SCHIP1: variants seen among roughly 807,000 people sequenced by gnomAD.
SCHIP1 encodes schwannomin-interacting protein 1.
In SCHIP1, 8 loss-of-function variants were observed where a neutral mutation model predicts 29.7. The ratio of observed to expected loss-of-function variants is 0.27; its 90% CI spans 0.16 to 0.49. The LOEUF (loss-of-function observed/expected upper bound fraction) is 0.49. Ranked by LOEUF, SCHIP1 falls within the 20% of genes least tolerant of loss-of-function variation. The probability of loss-of-function intolerance (pLI) is 0.99; values close to 1 mark genes in which losing one functional copy is unlikely to be tolerated. For synonymous variants in SCHIP1, 76 were observed against 94.9 expected (o/e 0.80, Z 1.16); for missense variants, 193 against 294.6 (o/e 0.66, Z 2.52).
chr3:159,491,955 T>C, the SCHIP1 span, among the ~76,000 whole-genome samples: 1 of 152,304 alleles, frequency 6.6e-6, no homozygotes, highest in Admixed American at 6.5e-5. Flanking sequence ...TATTCGCTGT[T>C]CTGCAGTCAC....
the SCHIP1 span, among the ~76,000 whole-genome samples, chr3:159,406,309 G>C: frequency 6.6e-6 from 1 of 152,166 alleles, no homozygotes; most frequent in South Asian, 2.1e-4. Context: ...AGGAGAAGGT[G>C]GCATGACATA....
At chr3:159,764,540 C>T in the SCHIP1 span, 24 of 1,592,164 alleles carry the variant, frequency 1.5e-5, no homozygotes. The surrounding 1 kb of genome is among the most constrained non-coding windows in gnomAD (Gnocchi z 6.1). Context: ...AAAGTGACCC[C>T]TTGCTCCGAG....
the SCHIP1 span, among the ~76,000 whole-genome samples, chr3:159,559,253 C>T: frequency 6.6e-6 from 1 of 152,156 alleles, no homozygotes; most frequent in Admixed American, 6.5e-5. Flanking sequence ...GCATTCAAAG[C>T]CCAGGTCTTA....
intron 1 of SCHIP1, among the ~76,000 whole-genome samples, chr3:159,865,756 C>T (rs924461071): frequency 5.3e-5 from 8 of 152,178 alleles, no homozygotes; most frequent in Non-Finnish European, 8.8e-5. Flanking sequence ...GCTAAAGGGA[C>T]GTGTAAAGCA....
At chr3:159,587,568 C>G in the SCHIP1 span, among the ~76,000 whole-genome samples, 1 of 152,046 alleles carries the variant, frequency 6.6e-6, no homozygotes, top group African/African-American at 2.4e-5. Flanking sequence ...GTGCTGCACC[C>G]CTTAACTCAT....
chr3:159,469,021 C>T, the SCHIP1 span, among the ~76,000 whole-genome samples: 5 of 151,822 alleles, frequency 3.3e-5, no homozygotes, highest in Admixed American at 1.3e-4. Context: ...TTGCCTTGGC[C>T]TCCCAAAGTG....
At chr3:159,301,521 G>A in the SCHIP1 span, among the ~76,000 whole-genome samples, 1 of 152,122 alleles carries the variant, frequency 6.6e-6, no homozygotes, top group Non-Finnish European at 1.5e-5. Context: ...ATTTGACTCT[G>A]TGTCCCCACC....
the SCHIP1 span, among the ~76,000 whole-genome samples, chr3:159,425,296 C>T: frequency 6.6e-6 from 1 of 151,990 alleles, no homozygotes; most frequent in Admixed American, 6.6e-5. Flanking sequence ...TCAGGAAACC[C>T]ATCTCACATG....
chr3:159,648,846 C>G, the SCHIP1 span, among the ~76,000 whole-genome samples: 4 of 152,186 alleles, frequency 2.6e-5, no homozygotes, highest in African/African-American at 4.8e-5. Context: ...TTCACGGCCT[C>G]TCTCTGGATT....
the SCHIP1 span, among the ~76,000 whole-genome samples, chr3:159,719,894 A>G: frequency 6.6e-6 from 1 of 152,232 alleles, no homozygotes; most frequent in African/African-American, 2.4e-5. Flanking sequence ...TATACACCCA[A>G]AGAATTATAA....
the SCHIP1 span, among the ~76,000 whole-genome samples, chr3:159,421,596 G>A: frequency 1.2e-4 from 18 of 152,282 alleles, no homozygotes; most frequent in South Asian, 8.3e-4. Context: ...TGCCAGGGGA[G>A]GTCTTTTCAC....
At chr3:159,710,174 T>C in the SCHIP1 span, among the ~76,000 whole-genome samples, 1 of 152,222 alleles carries the variant, frequency 6.6e-6, no homozygotes, top group South Asian at 2.1e-4. Flanking sequence ...ACAGCCAAGA[T>C]ATAGAACCAA....
At chr3:159,471,906 C>T in the SCHIP1 span, among the ~76,000 whole-genome samples, 2 of 152,108 alleles carry the variant, frequency 1.3e-5, no homozygotes, top group Admixed American at 1.3e-4. Context: ...CACTGATGAG[C>T]TCTTCTCTTG....
chr3:159,506,886 G>T, the SCHIP1 span, among the ~76,000 whole-genome samples: 1 of 152,196 alleles, frequency 6.6e-6, no homozygotes, highest in East Asian at 1.9e-4. Context: ...AACATAGTTT[G>T]AAGTCAGGTA....
At chr3:159,572,210 G>A in the SCHIP1 span, among the ~76,000 whole-genome samples, 2 of 152,096 alleles carry the variant, frequency 1.3e-5, no homozygotes, top group South Asian at 2.1e-4. Flanking sequence ...TAATTGTGAT[G>A]TTATGGTGTC....
At chr3:159,639,445 T>G in the SCHIP1 span, among the ~76,000 whole-genome samples, 29 of 152,186 alleles carry the variant, frequency 1.9e-4, no homozygotes, top group Non-Finnish European at 3.8e-4. Flanking sequence ...GTCACCCATC[T>G]TAATTACTCA....
the SCHIP1 span, among the ~76,000 whole-genome samples, chr3:159,478,312 C>T: frequency 6.6e-6 from 1 of 152,040 alleles, no homozygotes; most frequent in Non-Finnish European, 1.5e-5. Flanking sequence ...AACCAGTTTC[C>T]CCAACACCAT....
At chr3:159,426,766 A>C in the SCHIP1 span, among the ~76,000 whole-genome samples, 1 of 152,238 alleles carries the variant, frequency 6.6e-6, no homozygotes, top group Non-Finnish European at 1.5e-5. Context: ...CTTGATGAAC[A>C]TTGATGCAAA....
chr3:159,386,132 T>G, the SCHIP1 span, among the ~76,000 whole-genome samples: 1 of 152,206 alleles, frequency 6.6e-6, no homozygotes, highest in Admixed American at 6.5e-5. Flanking sequence ...TCTTGGCTAT[T>G]GTGAGCAGTG....
Sources: gnomAD v4.1 joint callset for allele counts (sites outside exome capture counted in the v4.1 genomes callset) on GRCh38, gnomAD v4.1.1 for gene constraint, Gnocchi (gnomAD v3.1) non-coding constraint, MANE v1.5 for transcripts, NCBI Gene and HGNC (gene_info 2026-07-23, HGNC 2026-07-21) for gene names.